CDK8: variants seen among roughly 807,000 people sequenced by gnomAD.
CDK8 encodes the protein cyclin dependent kinase 8, also known as cyclin-dependent kinase 8.
CDK8 carries 29 observed loss-of-function variants against 71.5 expected under a neutral mutation model. The ratio of observed to expected loss-of-function variants is 0.41; its 90% confidence interval spans 0.30 to 0.55. CDK8 has a LOEUF of 0.55. Ranked by LOEUF, CDK8 falls within the 20% of genes least tolerant of loss-of-function variation. CDK8 has a pLI of 0.37. For missense variants in CDK8, 288 were observed against 572.6 expected, an observed-to-expected ratio of 0.50 and a Z score of 5.07; for synonymous variants, 161 against 192.1, an observed-to-expected ratio of 0.84 and a Z score of 1.34.
intron 1 of CDK8, among the ~76,000 whole-genome samples, chr13:26,320,449 C>T (rs1252232715): frequency 1.3e-5 from 2 of 151,810 alleles, no homozygotes; most frequent in African/African-American, 2.4e-5. Context: ...AACAATGAAA[C>T]TCTTAGAAGA....
chr13:26,352,782 T>TTCATTAA (rs1326798632), intron 3 of CDK8, among the ~76,000 whole-genome samples: 9 of 152,352 alleles, frequency 5.9e-5, no homozygotes, highest in Admixed American at 4.6e-4. Flanking sequence ...AGCTCCTTTA[T>TTCATTAA]TCATTAATCA....
chr13:26,370,045 G>A (rs991682445), intron 4 of CDK8, among the ~76,000 whole-genome samples: 3 of 152,120 alleles, frequency 2.0e-5, no homozygotes, highest in Non-Finnish European at 4.4e-5. Context: ...CTACCCCTAA[G>A]AAATGTACAA....
intron 1 of CDK8, among the ~76,000 whole-genome samples, chr13:26,329,469 G>GTTTTTTTTTTTTTTTTTTTTT (rs35796023): frequency 1.3e-4 from 9 of 71,540 alleles, no homozygotes; most frequent in African/African-American, 2.8e-4. Context: ...GCCTATTTCT[G>GTTTTTTTTTTTTTTTTTTTTT]TTTTTTTTTT....
chr13:26,398,774 C>T (rs1876111220), intron 9 of CDK8, among the ~76,000 whole-genome samples: 1 of 151,862 alleles, frequency 6.6e-6, no homozygotes, highest in Non-Finnish European at 1.5e-5. Flanking sequence ...GAGATTGAGA[C>T]CATCCTGGCC....
chr13:26,383,151 T>C (rs1875311831), intron 5 of CDK8, among the ~76,000 whole-genome samples: 2 of 152,204 alleles, frequency 1.3e-5, no homozygotes, highest in South Asian at 4.1e-4. Context: ...GGGGCTTCTA[T>C]CTCTGTTAGA....
Position 26,314,098 on chromosome 13 carries a change from G to A in CDK8, c.129-23469G>A, listed in dbSNP as rs17083760. 4.1e-3 allele frequency among the ~76,000 whole-genome samples: 617 copies of A among 152,322 alleles called. 5 individuals carry two copies. Among genetic ancestry groups the A allele is most frequent in the African/African-American group, 0.014 (566 of 41,558 alleles). On this transcript the variant is annotated intron_variant, in intron 1 of 12. Coordinates refer to ENST00000381527, the MANE Select transcript of CDK8 (RefSeq NM_001260.3). ...TTTGCTAATCCAGAGTTTTAAGGCT[G>A]AGGAAAAGATCTCTGAGAGCTGTTG... is the stretch of plus-strand genomic sequence containing the variant.
intron 1 of CDK8, among the ~76,000 whole-genome samples, chr13:26,272,286 G>T (rs1036593763): frequency 1.3e-5 from 2 of 151,810 alleles, no homozygotes; most frequent in African/African-American, 4.8e-5. Flanking sequence ...TGAGGCAGGA[G>T]TTCAAGACCA....
intron 1 of CDK8, among the ~76,000 whole-genome samples, chr13:26,284,659 G>A (rs1872914496): frequency 6.6e-6 from 1 of 152,068 alleles, no homozygotes; most frequent in Non-Finnish European, 1.5e-5. Flanking sequence ...TCCAGGACTG[G>A]ATGGATTCAC....
intron 1 of CDK8, among the ~76,000 whole-genome samples, chr13:26,286,614 A>G (rs942249607): frequency 1.3e-5 from 2 of 152,260 alleles, no homozygotes; most frequent in African/African-American, 4.8e-5. Flanking sequence ...TAAGGACTTC[A>G]TGACCAAGAA....
intron 9 of CDK8, among the ~76,000 whole-genome samples, chr13:26,397,976 T>C (rs989423154): frequency 3.3e-5 from 5 of 152,194 alleles, no homozygotes; most frequent in African/African-American, 1.2e-4. Flanking sequence ...TATTCCTAAG[T>C]TCTTAAATGA....
intron 2 of CDK8, among the ~76,000 whole-genome samples, chr13:26,340,169 C>A (rs935114675): frequency 6.6e-6 from 1 of 151,904 alleles, no homozygotes; most frequent in African/African-American, 2.4e-5. Flanking sequence ...CCATATAATT[C>A]TTTTCTTATT....
At chr13:26,345,106 G>C (rs1323814482) in intron 2 of CDK8, among the ~76,000 whole-genome samples, 1 of 152,146 alleles carries the variant, frequency 6.6e-6, no homozygotes, top group Non-Finnish European at 1.5e-5. Context: ...CTAGGTGATA[G>C]GAGTTTTTCA....
At chr13:26,340,281 A>G (rs1418531437) in intron 2 of CDK8, among the ~76,000 whole-genome samples, 19 of 152,126 alleles carry the variant, frequency 1.2e-4, no homozygotes, top group Non-Finnish European at 2.9e-5. Flanking sequence ...AACGTGAGGT[A>G]TTTCTAGATA....
At chr13:26,281,395 T>C (rs893401417) in intron 1 of CDK8, among the ~76,000 whole-genome samples, 3 of 152,198 alleles carry the variant, frequency 2.0e-5, no homozygotes, top group Non-Finnish European at 2.9e-5. Context: ...TAACAATCAC[T>C]GCAGTGTGGC....
chr13:26,312,260 ATAAGT>A (rs763118120), intron 1 of CDK8, among the ~76,000 whole-genome samples: 8 of 152,342 alleles, frequency 5.3e-5, no homozygotes, highest in South Asian at 2.1e-4. Flanking sequence ...GTGGGGACAA[ATAAGT>A]TAATAAAAGC....
intron 1 of CDK8, among the ~76,000 whole-genome samples, chr13:26,288,410 T>C (rs1377787804): frequency 6.6e-6 from 1 of 152,170 alleles, no homozygotes; most frequent in Non-Finnish European, 1.5e-5. Flanking sequence ...TGCATGTTGG[T>C]TTTAGGGGTC....
rs1280440120 is a variant in CDK8 at position 26,254,474 on chromosome 13, C to G, written c.-168C>G. On this transcript the variant is annotated 5_prime_UTR_variant, in exon 1 of 13. Transcript: ENST00000381527. This position sits in a 1 kb window ranked among gnomAD's most constrained non-coding sequence, Gnocchi z 6.7. ...GCCGTCCCCCTGGATGTCCCTGGCG[C>G]TTTCGCGGGGCCTCCTCCTGCTCTT... 1 of 535,392 alleles carries G rather than the reference C, an allele frequency of 1.9e-6. No homozygotes were observed. Among genetic ancestry groups the G allele is most frequent in the Non-Finnish European group, 3.2e-6 (1 of 308,948 alleles). 33.2% of individuals were successfully genotyped at this position (535,392 alleles called of 1,614,324 possible).
chr13:26,328,735 C>A (rs185475399), intron 1 of CDK8, among the ~76,000 whole-genome samples: 465 of 152,230 alleles, frequency 3.1e-3, no homozygotes, highest in African/African-American at 0.011. Flanking sequence ...GGCCTATTTT[C>A]ATTTATTTGG....
intron 1 of CDK8, among the ~76,000 whole-genome samples, chr13:26,319,330 G>T (rs947875620): frequency 6.6e-6 from 1 of 152,030 alleles, no homozygotes; most frequent in African/African-American, 2.4e-5. Flanking sequence ...ACAGCTGGGC[G>T]TGGTGGCGGA....
Sources: gnomAD v4.1 joint callset for allele counts (sites outside exome capture counted in the v4.1 genomes callset) on GRCh38, gnomAD v4.1.1 for gene constraint, Gnocchi (gnomAD v3.1) non-coding constraint, MANE v1.5 for transcripts, NCBI Gene and HGNC (gene_info 2026-07-23, HGNC 2026-07-21) for gene names.